Variants in DNAH11 observed in about 807,000 individuals in gnomAD.
DNAH11 encodes the protein dynein axonemal heavy chain 11, also known as axonemal beta dynein heavy chain 11.
Under a neutral mutation model 526.0 loss-of-function variants are expected in DNAH11, and 442 were observed. The ratio of observed to expected loss-of-function variants is 0.84; its 90% CI spans 0.78 to 0.91. The LOEUF (loss-of-function observed/expected upper bound fraction) is 0.91. DNAH11 is among the 40% of genes least tolerant of loss of function. The probability of loss-of-function intolerance (pLI) is 0.00; values close to 1 mark genes in which losing one functional copy is unlikely to be tolerated. For synonymous variants in DNAH11, 2,461 were observed against 1,935.9 expected, an observed-to-expected ratio of 1.27 and a Z score of -7.12; for missense variants, 6,989 against 5,448.7, an observed-to-expected ratio of 1.28 and a Z score of -8.90.
rs145672110 is a variant in DNAH11 at position 21,703,532 on chromosome 7, A to C, written c.6273+730A>C. On this transcript the variant is annotated intron_variant, in intron 37 of 81. Coordinates refer to ENST00000409508, the MANE Select transcript of DNAH11 (RefSeq NM_001277115.2). Reference sequence around the variant, plus strand: ...AGGGGCAAGCACGGACCTTCTTCACATGGTGGCAGGAGAGAGAGAGAATGA... The same window carrying C: ...AGGGGCAAGCACGGACCTTCTTCACCTGGTGGCAGGAGAGAGAGAGAATGA... The C allele has an allele frequency of 7.0e-4, 107 of 152,436 alleles. 1 individual carries two copies. Among genetic ancestry groups the C allele is most frequent in the African/African-American group, 2.5e-3 (104 of 41,552 alleles). 9.4% of individuals were successfully genotyped at this position (152,436 alleles called of 1,614,324 possible).
intron 2 of DNAH11, among the ~76,000 whole-genome samples, chr7:21,554,818 T>C (rs930949774): frequency 1.3e-5 from 2 of 152,212 alleles, no homozygotes; most frequent in African/African-American, 4.8e-5. Context: ...AGAGGGAATA[T>C]GCTAGATGTC....
At chr7:21,753,197 G>A (rs1273312088) in intron 54 of DNAH11, among the ~76,000 whole-genome samples, 1 of 152,098 alleles carries the variant, frequency 6.6e-6, no homozygotes, top group African/African-American at 2.4e-5. Flanking sequence ...GATCACAGGT[G>A]GGTGCAGTAT....
chr7:21,745,210 C>T (rs752628613), intron 51 of DNAH11, 147 bp downstream of exon 51: 26 of 848,656 alleles, frequency 3.1e-5, no homozygotes, highest in Non-Finnish European at 3.8e-5. Context: ...ATAAAAGGGT[C>T]GCTTTTTAAT....
chr7:21,846,585 T>G (rs975068645), intron 66 of DNAH11, among the ~76,000 whole-genome samples: 1 of 152,172 alleles, frequency 6.6e-6, no homozygotes, highest in Admixed American at 6.5e-5. Context: ...TTAATTATTT[T>G]TGTACATTGT....
chr7:21,637,537 T>A (rs1357908484), intron 26 of DNAH11, 74 bp from the exon 27 acceptor site: 3 of 1,028,522 alleles, frequency 2.9e-6, no homozygotes, highest in African/African-American at 1.6e-5. Flanking sequence ...TTCATTTTTT[T>A]AATTCTTGAA....
At chr7:21,729,378 G>C (rs958094485) in intron 45 of DNAH11, among the ~76,000 whole-genome samples, 2 of 152,142 alleles carry the variant, frequency 1.3e-5, no homozygotes, top group African/African-American at 4.8e-5. Context: ...TTATGGAGTC[G>C]TTGTCTGGCC....
chr7:21,688,197 GACA>G (rs1400792910), intron 34 of DNAH11, among the ~76,000 whole-genome samples: 2 of 152,086 alleles, frequency 1.3e-5, no homozygotes, highest in African/African-American at 2.4e-5. Flanking sequence ...GTGGGTTGAG[GACA>G]ACACCTCTCC....
intron 45 of DNAH11, among the ~76,000 whole-genome samples, chr7:21,728,392 G>A (rs1253916029): frequency 2.0e-5 from 3 of 151,476 alleles, no homozygotes; most frequent in African/African-American, 7.3e-5. Flanking sequence ...CGAGTAGATG[G>A]GACTACAGGC....
intron 68 of DNAH11, among the ~76,000 whole-genome samples, chr7:21,859,455 C>T (rs1256352346): frequency 6.6e-6 from 1 of 152,204 alleles, no homozygotes; most frequent in Admixed American, 6.5e-5. Context: ...ATCCCCAAGA[C>T]ATCTCATTGT....
chr7:21,589,489 C>A, intron 12 of DNAH11, 86 bp downstream of exon 12: 1 of 1,191,368 alleles, frequency 8.4e-7, no homozygotes, highest in Non-Finnish European at 1.2e-6. Flanking sequence ...TTGTAATTTA[C>A]ATTTGGGAAA....
In DNAH11 at chr7:21,778,870, A is replaced by G. The variant is rs116285048; in HGVS notation, c.9337-88A>G. ...AGATGCAAGATACAAATTGTTAGAG[A>G]TCCCTGAATTCATTCCCAGCAATAA... On this transcript the variant is annotated intron_variant, in intron 56 of 81. Transcript: ENST00000409508. 2.6e-3 allele frequency: 3,832 copies of G among 1,472,064 alleles called. 74 individuals carry two copies. In the African/African-American group the frequency reaches 0.046, roughly 18 times the overall value. The allele number at this position is 1,472,064 out of a possible 1,614,324, so 91.2% of individuals were successfully genotyped here.
intron 65 of DNAH11, among the ~76,000 whole-genome samples, chr7:21,833,884 A>G (rs547243240): frequency 3.8e-4 from 58 of 152,226 alleles, no homozygotes; most frequent in African/African-American, 1.4e-3. Flanking sequence ...ACGTCAGTCA[A>G]TACAGCAAAA....
At chr7:21,839,021 A>G (rs1782103719) in intron 65 of DNAH11, among the ~76,000 whole-genome samples, 1 of 152,078 alleles carries the variant, frequency 6.6e-6, no homozygotes. Context: ...TTGCTTTTTT[A>G]TTATAGTCAT....
chr7:21,851,916 C>G (rs1388988492), intron 66 of DNAH11, among the ~76,000 whole-genome samples: 1 of 152,126 alleles, frequency 6.6e-6, no homozygotes, highest in Non-Finnish European at 1.5e-5. Context: ...TAAACAGATT[C>G]TTCCTGTGGT....
intron 51 of DNAH11, among the ~76,000 whole-genome samples, chr7:21,748,077 T>A (rs558249650): frequency 5.3e-5 from 8 of 152,304 alleles, no homozygotes; most frequent in African/African-American, 1.9e-4. Flanking sequence ...GTTCAAGGGT[T>A]AGGGTGAAGG....
chr7:21,691,686 G>A (rs1484703573), intron 35 of DNAH11, among the ~76,000 whole-genome samples: 2 of 151,900 alleles, frequency 1.3e-5, no homozygotes, highest in Non-Finnish European at 2.9e-5. Flanking sequence ...TTTTTCTTTA[G>A]TTCTCTTCAT....
chr7:21,655,397 C>T (rs1307580058), intron 28 of DNAH11, among the ~76,000 whole-genome samples: 1 of 152,162 alleles, frequency 6.6e-6, no homozygotes, highest in African/African-American at 2.4e-5. Flanking sequence ...TAATCTCCCC[C>T]AAAAGTAAAA....
At chr7:21,856,190 A>G (rs1438672983) in intron 68 of DNAH11, among the ~76,000 whole-genome samples, 1 of 152,054 alleles carries the variant, frequency 6.6e-6, no homozygotes, top group African/African-American at 2.4e-5. Flanking sequence ...GAATTTGGGG[A>G]TTATAATCTG....
At chr7:21,705,378 G>C in intron 38 of DNAH11, 82 bp from the exon 39 acceptor site, 2 of 1,448,954 alleles carry the variant, frequency 1.4e-6, no homozygotes, top group Non-Finnish European at 1.9e-6. Flanking sequence ...TGTAAGGAAA[G>C]AAGAATTGGG....
Sources: gnomAD v4.1 joint callset for allele counts (sites outside exome capture counted in the v4.1 genomes callset) on GRCh38, gnomAD v4.1.1 for gene constraint, MANE v1.5 for transcripts, NCBI Gene and HGNC (gene_info 2026-07-23, HGNC 2026-07-21) for gene names.